ARMC3: variants seen among roughly 807,000 people sequenced by gnomAD.
ARMC3 encodes the protein armadillo repeat-containing protein 3.
ARMC3 carries 74 observed loss-of-function variants against 90.3 expected under a neutral mutation model. The observed-to-expected ratio is 0.82, with a 90% confidence interval of 0.68 to 0.99. The LOEUF is 0.99. Ranked by LOEUF, ARMC3 falls within the 50% of genes least tolerant of loss-of-function variation. The pLI is 0.00. For synonymous variants in ARMC3, 334 were observed against 361.8 expected, an observed-to-expected ratio of 0.92 and a Z score of 0.87; for missense variants, 958 against 1,042.8, an observed-to-expected ratio of 0.92 and a Z score of 1.12.
intron 10 of ARMC3, among the ~76,000 whole-genome samples, chr10:22,997,667 C>A (rs1216130698): frequency 6.6e-6 from 1 of 152,110 alleles, no homozygotes; most frequent in Non-Finnish European, 1.5e-5. Context: ...TCAGGAGTTC[C>A]CATGCTCACT....
intron 6 of ARMC3, 115 bp from the exon 7 acceptor site, chr10:22,961,769 G>C: frequency 1.2e-6 from 1 of 836,066 alleles, no homozygotes; most frequent in South Asian, 2.1e-5. Flanking sequence ...AGGGAATCTG[G>C]AATAAAAGAT....
In ARMC3 at chr10:22,989,579, T is replaced by C. The variant is rs1425442684; in HGVS notation, c.1175+7879T>C. 2.0e-5 allele frequency among the ~76,000 whole-genome samples: 3 copies of C among 152,194 alleles called. No homozygotes were observed. The East Asian group carries it at 5.8e-4, about 29-fold the overall frequency. ...CAAGATGAGTATCTTGCAAGATAGC[T>C]AATTTCATAAGTTTTTAGGAGGTTT... On this transcript the variant is annotated intron_variant, in intron 10 of 18. Coordinates refer to ENST00000298032, the MANE Select transcript of ARMC3 (RefSeq NM_173081.5).
chr10:22,999,607 T>C (rs2131411293), intron 11 of ARMC3, among the ~76,000 whole-genome samples: 1 of 152,332 alleles, frequency 6.6e-6, no homozygotes, highest in Non-Finnish European at 1.5e-5. Flanking sequence ...TTAAGCCTCA[T>C]TTGAGATAGG....
At chr10:22,990,469 C>G (rs577402317) in intron 10 of ARMC3, among the ~76,000 whole-genome samples, 1 of 152,322 alleles carries the variant, frequency 6.6e-6, no homozygotes, top group South Asian at 2.1e-4. Flanking sequence ...AAACTCTCTA[C>G]CCTTGTGGCT....
At chr10:23,001,372 G>A (rs1340643077) in intron 11 of ARMC3, among the ~76,000 whole-genome samples, 1 of 152,160 alleles carries the variant, frequency 6.6e-6, no homozygotes, top group Non-Finnish European at 1.5e-5. Context: ...TCTTCAAAGT[G>A]CATCACTGCA....
chr10:22,946,239 C>T lies in ARMC3; in HGVS notation c.144C>T (p.Ala48=). The part of the protein sequence containing the change: ...EEEILAKACE[A]IYKFALKGEE... ...AAATTTTGGCTAAAGCATGTGAAGC[C>T]ATTTATAAATTTGCTTTAAAAGGTT... The change falls in exon 3 of 19, where the codon GCC becomes GCT. Residue 48 remains alanine (A), a synonymous_variant. Coordinates refer to ENST00000298032, the MANE Select transcript of ARMC3 (RefSeq NM_173081.5). 3 of 1,607,322 alleles carry T rather than the reference C, an allele frequency of 1.9e-6. No homozygotes were observed. Among genetic ancestry groups the T allele is most frequent in the Admixed American group, 1.7e-5 (1 of 59,554 alleles).
At chr10:23,017,746 A>G (rs1260787182) in intron 16 of ARMC3, among the ~76,000 whole-genome samples, 1 of 152,280 alleles carries the variant, frequency 6.6e-6, no homozygotes, top group African/African-American at 2.4e-5. Context: ...AGCCTGGGCA[A>G]CAGAGCGAGA....
chr10:22,959,415 T>A lies in ARMC3; in HGVS notation c.378T>A (p.His126Gln). The change falls in exon 6 of 19, where the codon CAT becomes CAA. Residue 126 changes from histidine (H) to glutamine (Q), a missense_variant. Physicochemically the swap from His to Gln is conservative, Grantham distance 24. Coordinates refer to ENST00000298032, the MANE Select transcript of ARMC3 (RefSeq NM_173081.5). ...QLAPEEEVVIHEFASLCLANM... is the reference protein window; with the variant it reads ...QLAPEEEVVIQEFASLCLANM... The stretch of plus-strand genomic sequence containing the variant: ...GATACACAGAAGAAGTAGTTATCCA[T>A]GAGTTTGCTAGTCTTTGTCTAGCAA... 6.2e-7 allele frequency: 1 copy of A among 1,604,330 alleles called. No homozygotes were observed. The highest frequency in any genetic ancestry group is 8.5e-7 in the Non-Finnish European group (1 of 1,177,416).
chr10:23,011,683 T>G (rs1416521977), intron 16 of ARMC3, among the ~76,000 whole-genome samples: 1 of 152,136 alleles, frequency 6.6e-6, no homozygotes, highest in Non-Finnish European at 1.5e-5. Flanking sequence ...CTTGCTTTTT[T>G]TTTACAGCCT....
chr10:22,999,310 G>A (rs1286810929), intron 11 of ARMC3, among the ~76,000 whole-genome samples: 1 of 152,222 alleles, frequency 6.6e-6, no homozygotes, highest in East Asian at 1.9e-4. Flanking sequence ...CACTTTGCGA[G>A]GTGGAGGCAG....
intron 15 of ARMC3, 84 bp from the exon 16 acceptor site, chr10:23,008,731 C>T: frequency 1.8e-6 from 2 of 1,120,188 alleles, no homozygotes; most frequent in Non-Finnish European, 2.6e-6. Context: ...AGTAAAAATG[C>T]CTTGTAAGCT....
intron 10 of ARMC3, among the ~76,000 whole-genome samples, chr10:22,988,674 C>T (rs924126630): frequency 2.6e-5 from 4 of 152,100 alleles, no homozygotes; most frequent in African/African-American, 9.7e-5. Context: ...AAATACAAAC[C>T]ACAAGTTCCA....
At chr10:23,033,108 A>C in intron 18 of ARMC3, 85 bp downstream of exon 18, 2 of 1,293,914 alleles carry the variant, frequency 1.5e-6, no homozygotes, top group Non-Finnish European at 2.2e-6. Flanking sequence ...GCTAACATTT[A>C]ACTGGATATT....
At chr10:23,032,756 A>T in intron 17 of ARMC3, 105 bp from the exon 18 acceptor site, 2 of 1,212,742 alleles carry the variant, frequency 1.6e-6, no homozygotes, top group South Asian at 1.6e-5. Flanking sequence ...AACAAAAATC[A>T]CAGCAAATGT....
chr10:23,014,237 C>T, intron 16 of ARMC3: 2 of 1,518,690 alleles, frequency 1.3e-6, no homozygotes, highest in Non-Finnish European at 1.8e-6. Flanking sequence ...AATGATGATC[C>T]CTGCCTCAAA....
At chr10:22,951,748 G>A (rs1834747833) in intron 3 of ARMC3, among the ~76,000 whole-genome samples, 1 of 151,884 alleles carries the variant, frequency 6.6e-6, no homozygotes, top group South Asian at 2.1e-4. Flanking sequence ...AAAGTATTTA[G>A]AGAGAAGTTT....
Position 22,962,111 on chromosome 10 carries a change from G to A in ARMC3, c.732+33G>A, listed in dbSNP as rs745571674. ...GTTTCATTCATTCCACCCTCTATGA[G>A]GAAATGTATCTCTCCCAAATGTTTA... On this transcript the variant is annotated intron_variant, in intron 7 of 18. Transcript: ENST00000298032. 1.8e-5 allele frequency: 26 copies of A among 1,411,418 alleles called. No individual in the cohort carries two copies. The Admixed American group carries it at 6.5e-4, about 35-fold the overall frequency. 87.4% of individuals were successfully genotyped at this position (1,411,418 alleles called of 1,614,324 possible). A position where few individuals can be genotyped will look rare whatever the true frequency, so the allele number is the denominator to read the frequency against.
At chr10:23,031,070 C>A in intron 17 of ARMC3, 1 of 331,674 alleles carries the variant, frequency 3.0e-6, no homozygotes, top group Non-Finnish European at 5.5e-6. Context: ...TCAATGTGAT[C>A]CTGCAGAAGT....
At chr10:22,963,870 C>T (rs563384333) in intron 7 of ARMC3, among the ~76,000 whole-genome samples, 1 of 124,966 alleles carries the variant, frequency 8.0e-6, no homozygotes, top group Admixed American at 1.1e-4. Context: ...AGCCTGGCAA[C>T]AGGGCGAGAC....
Sources: gnomAD v4.1 joint callset for allele counts (sites outside exome capture counted in the v4.1 genomes callset) on GRCh38, gnomAD v4.1.1 for gene constraint, MANE v1.5 for transcripts, NCBI Gene and HGNC (gene_info 2026-07-23, HGNC 2026-07-21) for gene names.